The following IQSEC2 variants were observed in gnomAD, a reference collection of about 807,000 sequenced individuals.
The protein encoded by IQSEC2 is IQ motif and SEC7 domain-containing protein 2.
A neutral mutation model predicts 74.6 loss-of-function variants in IQSEC2; 6 were observed. The ratio of observed to expected loss-of-function variants is 0.08; its 90% CI spans 0.04 to 0.16. The LOEUF (loss-of-function observed/expected upper bound fraction) is 0.16, where lower values mean the gene tolerates loss of function less well. IQSEC2 is among the 10% of genes least tolerant of loss of function. The pLI, the probability that IQSEC2 is intolerant of heterozygous loss-of-function variation, is 1.00. For missense variants in IQSEC2, 734 were observed against 1,306.2 expected, an observed-to-expected ratio of 0.56 and a Z score of 6.75; for synonymous variants, 494 against 544.5, an observed-to-expected ratio of 0.91 and a Z score of 1.29.
intron 1 of IQSEC2, among the ~76,000 whole-genome samples, chrX:53,312,367 C>A (rs1280622226): frequency 8.9e-6 from 1 of 111,737 alleles, no homozygotes; most frequent in Admixed American, 9.6e-5. Context: ...ACACTGCAAT[C>A]GTCTATTTCC....
intron 2 of IQSEC2, among the ~76,000 whole-genome samples, chrX:53,261,494 A>G (rs1056286427): frequency 3.3e-5 from 3 of 90,144 alleles, no homozygotes; most frequent in African/African-American, 1.6e-4. Flanking sequence ...CTGCATGTGC[A>G]CACACACACA....
At chrX:53,255,009 C>A in intron 3 of IQSEC2, 78 bp from the exon 4 acceptor site, 1 of 1,023,858 alleles carries the variant, frequency 9.8e-7, no homozygotes, top group Non-Finnish European at 1.3e-6. Context: ...ACCACACCAC[C>A]CCCACTGGAA....
intron 2 of IQSEC2, among the ~76,000 whole-genome samples, chrX:53,287,978 G>A (rs1462456319): frequency 1.8e-4 from 20 of 111,163 alleles, no homozygotes; most frequent in African/African-American, 6.2e-4. Flanking sequence ...CCATCATCAC[G>A]CTCCCATTTG....
chrX:53,244,942 T>TAC (rs1321085315), intron 8 of IQSEC2, among the ~76,000 whole-genome samples: 19 of 108,825 alleles, frequency 1.7e-4, no homozygotes, highest in African/African-American at 5.0e-4. Flanking sequence ...AAGTTACACA[T>TAC]ACACACACAC....
intron 1 of IQSEC2, among the ~76,000 whole-genome samples, chrX:53,319,930 C>A (rs981175558): frequency 9.4e-6 from 1 of 106,008 alleles, no homozygotes; most frequent in Non-Finnish European, 1.9e-5. Flanking sequence ...TCCCCACCTG[C>A]CTCTTTGGTA....
downstream of IQSEC2, chrX:53,226,995 AT>A (rs113721961): frequency 0.046 from 4,920 of 106,353 alleles, 263 homozygotes; most frequent in African/African-American, 0.15. Context: ...GTGCTTTTGT[AT>A]TTTTTTTTTT....
At chrX:53,281,239 G>A (rs1342502012) in intron 2 of IQSEC2, among the ~76,000 whole-genome samples, 2 of 112,663 alleles carry the variant, frequency 1.8e-5, no homozygotes, top group African/African-American at 3.2e-5. Context: ...GTAGAGCAGG[G>A]TAGGAGCCAA....
chrX:53,241,355 G>A (rs1414781982), intron 10 of IQSEC2, among the ~76,000 whole-genome samples: 1 of 111,234 alleles, frequency 9.0e-6, no homozygotes, highest in Non-Finnish European at 1.9e-5. Context: ...GATTCAAACT[G>A]CCCTGGCCTC....
chrX:53,276,815 C>G (rs1450530319), intron 2 of IQSEC2, among the ~76,000 whole-genome samples: 2 of 112,393 alleles, frequency 1.8e-5, no homozygotes, highest in Non-Finnish European at 3.8e-5. Context: ...CACTTTTCAG[C>G]ATTTATGGAG....
intron 5 of IQSEC2, among the ~76,000 whole-genome samples, chrX:53,249,972 A>G (rs1556862858): frequency 9.0e-6 from 1 of 110,802 alleles, no homozygotes; most frequent in African/African-American, 3.3e-5. Context: ...TCTACACCAT[A>G]TCACCTCCCC....
At chrX:53,258,626 G>A (rs1482612611) in intron 2 of IQSEC2, among the ~76,000 whole-genome samples, 2 of 105,198 alleles carry the variant, frequency 1.9e-5, no homozygotes, top group Non-Finnish European at 3.9e-5. Context: ...AGGCTGAGGC[G>A]AGCAGATCAC....
chrX:53,238,061 T>G, intron 12 of IQSEC2, 84 bp downstream of exon 12: 1 of 1,038,995 alleles, frequency 9.6e-7, no homozygotes, highest in Non-Finnish European at 1.3e-6. Context: ...CCCTCAACTC[T>G]GAGATTCTCT....
chrX:53,244,669 T>C (rs1483621826), intron 8 of IQSEC2, among the ~76,000 whole-genome samples: 1 of 111,532 alleles, frequency 9.0e-6, no homozygotes, highest in African/African-American at 3.3e-5. Flanking sequence ...AACATTTCAA[T>C]AGCATGAGAA....
At chrX:53,250,061 CA>C (rs2074361668) in intron 5 of IQSEC2, among the ~76,000 whole-genome samples, 1 of 111,554 alleles carries the variant, frequency 9.0e-6, no homozygotes, top group African/African-American at 3.3e-5. Flanking sequence ...GACAGCCAGC[CA>C]GGGGCAGTAC....
intron 14 of IQSEC2, 32 bp from the exon 15 acceptor site, chrX:53,235,216 G>A (rs1556859382): frequency 1.7e-6 from 2 of 1,163,907 alleles, no homozygotes; most frequent in Admixed American, 5.2e-5. Flanking sequence ...GTCAGGCCAG[G>A]CTAGATGCCC....
At chrX:53,241,384 A>AG (rs2147046702) in intron 10 of IQSEC2, among the ~76,000 whole-genome samples, 1 of 111,873 alleles carries the variant, frequency 8.9e-6, no homozygotes, top group South Asian at 3.7e-4. Context: ...CTGGGACTAT[A>AG]GGTGTGAGCC....
chrX:53,274,776 T>C (rs1366803243), intron 2 of IQSEC2, among the ~76,000 whole-genome samples: 2 of 111,332 alleles, frequency 1.8e-5, no homozygotes, highest in African/African-American at 6.5e-5. Context: ...TAGCTGCATT[T>C]CTTTAACTAT....
chrX:53,244,979 TGAGA>T (rs1240478258), intron 8 of IQSEC2, among the ~76,000 whole-genome samples: 13 of 109,503 alleles, frequency 1.2e-4, no homozygotes, highest in African/African-American at 4.0e-4. Context: ...ACACATATAT[TGAGA>T]GAGAGAGGGA....
intron 1 of IQSEC2, among the ~76,000 whole-genome samples, chrX:53,310,171 C>T (rs953438168): frequency 8.1e-5 from 9 of 111,085 alleles, no homozygotes; most frequent in African/African-American, 2.9e-4. Flanking sequence ...GGGAGGATTG[C>T]TTGAGCCTAA....
Sources: gnomAD v4.1 joint callset for allele counts (sites outside exome capture counted in the v4.1 genomes callset) on GRCh38, gnomAD v4.1.1 for gene constraint, MANE v1.5 for transcripts, NCBI Gene and HGNC (gene_info 2026-07-23, HGNC 2026-07-21) for gene names.